The following DNER variants were observed in gnomAD, a reference collection of about 807,000 sequenced individuals.
DNER encodes delta/notch like EGF repeat containing.
In DNER, 33 loss-of-function variants were observed where a neutral mutation model predicts 78.2. The observed-to-expected ratio is 0.42, with a 90% CI of 0.32 to 0.56. The LOEUF (loss-of-function observed/expected upper bound fraction) is 0.56, where lower values mean the gene tolerates loss of function less well. DNER is among the 20% of genes least tolerant of loss of function. The probability of loss-of-function intolerance (pLI) is 0.11; values close to 1 mark genes in which losing one functional copy is unlikely to be tolerated. For synonymous variants in DNER, 417 were observed against 384.8 expected (o/e 1.08, Z -0.98); for missense variants, 918 against 975.3 (o/e 0.94, Z 0.78).
At chr2:229,642,031 C>T (rs1345726952) in intron 1 of DNER, among the ~76,000 whole-genome samples, 1 of 152,076 alleles carries the variant, frequency 6.6e-6, no homozygotes, top group Non-Finnish European at 1.5e-5. Flanking sequence ...GAAGAAGCAG[C>T]GAGAAATAGT....
At position 229,397,463 on chromosome 2, in the gene DNER, C is replaced by CAAAAAAAAAAAAAAAAA. The variant is rs763572496; in HGVS notation, c.1724-9068_1724-9067insTTTTTTTTTTTTTTTTT. 2.7e-3 allele frequency among the ~76,000 whole-genome samples: 263 copies of CAAAAAAAAAAAAAAAAA among 96,216 alleles called. 10 individuals are homozygous for CAAAAAAAAAAAAAAAAA. Among genetic ancestry groups the CAAAAAAAAAAAAAAAAA allele is most frequent in the Non-Finnish European group, 3.6e-3 (173 of 48,422 alleles). 63.1% of individuals were successfully genotyped at this position (96,216 alleles called of 152,430 possible). A position where few individuals can be genotyped will look rare whatever the true frequency, so the allele number is the denominator to read the frequency against. On this transcript the variant is annotated intron_variant, in intron 10 of 12. Coordinates refer to ENST00000341772, the MANE Select transcript of DNER (RefSeq NM_139072.4). ...ACTGCTCCACTCCAGCCAAACACTACAAAAAAAAAAAAAAAACTGCAAGTC... is the reference window on the plus strand; with the variant it reads ...ACTGCTCCACTCCAGCCAAACACTACAAAAAAAAAAAAAAAAAAAAAAAAAAAAAAAAACTGCAAGTC...
intron 1 of DNER, among the ~76,000 whole-genome samples, chr2:229,699,468 C>T (rs925301668): frequency 1.3e-5 from 2 of 152,142 alleles, no homozygotes; most frequent in African/African-American, 4.8e-5. Flanking sequence ...TGGGTTCAAG[C>T]GATTCTCCCA....
At chr2:229,556,109 C>T (rs555039882) in intron 4 of DNER, among the ~76,000 whole-genome samples, 2 of 152,288 alleles carry the variant, frequency 1.3e-5, no homozygotes, top group South Asian at 4.1e-4. Context: ...ATTATACTTA[C>T]CCAGCAATAA....
chr2:229,558,349 C>T (rs1462544206), intron 4 of DNER, among the ~76,000 whole-genome samples: 2 of 152,186 alleles, frequency 1.3e-5, no homozygotes, highest in African/African-American at 4.8e-5. Flanking sequence ...ATCTATGCAA[C>T]AAACATGCAC....
intron 1 of DNER, among the ~76,000 whole-genome samples, chr2:229,685,518 T>C (rs1377456124): frequency 6.6e-6 from 1 of 152,236 alleles, no homozygotes; most frequent in Non-Finnish European, 1.5e-5. Flanking sequence ...GCCCATCCTA[T>C]AGTCCCTGCT....
At chr2:229,658,081 A>C (rs1698942305) in intron 1 of DNER, among the ~76,000 whole-genome samples, 2 of 152,218 alleles carry the variant, frequency 1.3e-5, no homozygotes, top group Admixed American at 1.3e-4. Flanking sequence ...TCGTCAGTCT[A>C]AGATAAAAAT....
At chr2:229,467,824 A>G (rs542837429) in intron 7 of DNER, among the ~76,000 whole-genome samples, 29 of 152,352 alleles carry the variant, frequency 1.9e-4, no homozygotes, top group Admixed American at 1.8e-3. Context: ...CAGCTGTTAA[A>G]TCTGACAAGA....
chr2:229,425,426 G>C (rs1479616530), intron 8 of DNER, among the ~76,000 whole-genome samples: 1 of 152,146 alleles, frequency 6.6e-6, no homozygotes, highest in Non-Finnish European at 1.5e-5. Context: ...GCCTTGACCA[G>C]TTCAGCAAAG....
intron 1 of DNER, among the ~76,000 whole-genome samples, chr2:229,597,045 A>T (rs1697731187): frequency 6.8e-6 from 1 of 147,412 alleles, no homozygotes; most frequent in Admixed American, 6.8e-5. Flanking sequence ...ATACATGTAC[A>T]CACATGCACG....
chr2:229,684,655 CAGTG>C (rs1421898919), intron 1 of DNER, among the ~76,000 whole-genome samples: 1 of 152,154 alleles, frequency 6.6e-6, no homozygotes, highest in Non-Finnish European at 1.5e-5. Context: ...ACCGCTCATC[CAGTG>C]AGTGACAGAA....
At chr2:229,513,063 G>GA (rs1400606159) in intron 5 of DNER, 127 bp from the exon 6 acceptor site, 1 of 1,050,734 alleles carries the variant, frequency 9.5e-7, no homozygotes, top group African/African-American at 1.6e-5. Context: ...AATCACTTAT[G>GA]TCATAATCTA....
At chr2:229,596,235 A>G (rs1226779194) in intron 1 of DNER, among the ~76,000 whole-genome samples, 1 of 152,230 alleles carries the variant, frequency 6.6e-6, no homozygotes, top group Non-Finnish European at 1.5e-5. Context: ...CAGCTGCCAG[A>G]GCCTATGAAG....
At chr2:229,694,025 G>A (rs369379903) in intron 1 of DNER, among the ~76,000 whole-genome samples, 67 of 152,330 alleles carry the variant, frequency 4.4e-4, no homozygotes, top group African/African-American at 1.4e-3. Flanking sequence ...CCCACTCTTT[G>A]CAGCCTTGGG....
intron 11 of DNER, 135 bp from the exon 12 acceptor site, chr2:229,367,254 T>C (rs542732810): frequency 1.7e-4 from 219 of 1,269,072 alleles, no homozygotes; most frequent in African/African-American, 9.6e-4. Flanking sequence ...CTACGGATTA[T>C]CCAGACCCAG....
At chr2:229,414,691 G>A (rs1693606164) in intron 9 of DNER, among the ~76,000 whole-genome samples, 1 of 152,138 alleles carries the variant, frequency 6.6e-6, no homozygotes, top group Admixed American at 6.5e-5. Context: ...AAGAGTGGTG[G>A]ACACAGCCTA....
chr2:229,397,463 C>CAAAAAAAAAAAAAAAA lies in DNER; in HGVS notation c.1724-9083_1724-9068dup, dbSNP rs763572496. On this transcript the variant is annotated intron_variant, in intron 10 of 12. Transcript: ENST00000341772. Reference sequence around the variant, plus strand: ...ACTGCTCCACTCCAGCCAAACACTACAAAAAAAAAAAAAAAACTGCAAGTC... The same window carrying CAAAAAAAAAAAAAAAA: ...ACTGCTCCACTCCAGCCAAACACTACAAAAAAAAAAAAAAAAAAAAAAAAAAAAAAAACTGCAAGTC... 1.6e-3 allele frequency among the ~76,000 whole-genome samples: 152 copies of CAAAAAAAAAAAAAAAA among 96,438 alleles called. 7 individuals carry two copies. Among genetic ancestry groups the CAAAAAAAAAAAAAAAA allele is most frequent in the East Asian group, 4.3e-3 (13 of 3,040 alleles). The allele number at this position is 96,438 out of a possible 152,430, so 63.3% of individuals were successfully genotyped here.
rs1692363610 is a variant in DNER at position 229,366,988 on chromosome 2, G to A, written c.1987C>T (p.Arg663Cys). ...CCCTGGTATTCAATGCGGCTGATGC[G>A]GCAAATCCCCACGATCAGGATGATC... Reference protein sequence around the residue: ...MLIILIVGICRISRIEYQGSS... With the variant: ...MLIILIVGICCISRIEYQGSS... Residue 663 changes from arginine to cysteine, a missense_variant, in exon 12 of 13, where the codon CGC becomes TGC. Arg to Cys is a radical substitution (Grantham distance 180). Transcript: ENST00000341772. The A allele has an allele frequency of 5.6e-6, 9 of 1,613,938 alleles. No individual in the cohort carries two copies. The highest frequency in any genetic ancestry group is 6.8e-6 in the Non-Finnish European group (8 of 1,180,008).
intron 6 of DNER, among the ~76,000 whole-genome samples, chr2:229,490,379 T>C (rs535501674): frequency 6.6e-6 from 1 of 152,300 alleles, no homozygotes; most frequent in African/African-American, 2.4e-5. Flanking sequence ...GGTACATCCA[T>C]ACAATGGAAT....
At chr2:229,515,318 G>A (rs540799826) in intron 5 of DNER, among the ~76,000 whole-genome samples, 71 of 152,288 alleles carry the variant, frequency 4.7e-4, no homozygotes, top group Admixed American at 5.2e-4. Context: ...TCTGATATGT[G>A]CATGAGTCCT....
Sources: allele counts gnomAD v4.1 joint callset (sites outside exome capture counted in the v4.1 genomes callset), GRCh38; gene constraint gnomAD v4.1.1; transcripts MANE v1.5; gene names NCBI Gene and HGNC (gene_info 2026-07-23, HGNC 2026-07-21).